The following WNK1 variants were observed in gnomAD, a reference collection of about 807,000 sequenced individuals.
The protein encoded by WNK1 is WNK lysine deficient protein kinase 1, also known as serine/threonine-protein kinase WNK1.
WNK1 carries 38 observed loss-of-function variants against 222.8 expected under a neutral mutation model. The ratio of observed to expected loss-of-function variants is 0.17; its 90% CI spans 0.13 to 0.22. WNK1 has a LOEUF of 0.22. WNK1 is among the 10% of genes least tolerant of loss of function. WNK1 has a pLI of 1.00. For synonymous variants in WNK1, 1,090 were observed against 1,092.9 expected, an observed-to-expected ratio of 1.00 and a Z score of 0.05; for missense variants, 2,348 against 2,918.4, an observed-to-expected ratio of 0.80 and a Z score of 4.50.
rs557623500 is a variant in WNK1, at chr12:777,972, T to C, written c.759+23648T>C. 2.0e-5 allele frequency among the ~76,000 whole-genome samples: 3 copies of C among 152,350 alleles called. No individual in the cohort carries two copies. The South Asian group carries it at 6.2e-4, about 32-fold the overall frequency. On this transcript the variant is annotated intron_variant, in intron 1 of 27. Transcript: ENST00000315939. Reference sequence around the variant, plus strand: ...TTTGGCAGTGGATGCCTTGTTACTTTAGAAAGACTTTAAACCTCACTTTGT... The same window carrying C: ...TTTGGCAGTGGATGCCTTGTTACTTCAGAAAGACTTTAAACCTCACTTTGT...
chr12:880,437 A>G (rs1253166205), intron 11 of WNK1, among the ~76,000 whole-genome samples: 1 of 152,190 alleles, frequency 6.6e-6, no homozygotes, highest in Non-Finnish European at 1.5e-5. Context: ...TTTTCCATTT[A>G]AGATTGGCTA....
chr12:884,250 G>C lies in WNK1; in HGVS notation c.3844+7G>C, dbSNP rs1483065280. On this transcript the variant is annotated splice_region_variant and intron_variant, in intron 18 of 27. Transcript: ENST00000315939. This position sits in a 1 kb window ranked among gnomAD's most constrained non-coding sequence, Gnocchi z 5.6. ...AGTGAAATAACAGATACAGGTAAGGGATTGATTCTGCCACATTGTTATGTA... is the reference window on the plus strand; with the variant it reads ...AGTGAAATAACAGATACAGGTAAGGCATTGATTCTGCCACATTGTTATGTA... 3.1e-6 allele frequency: 5 copies of C among 1,613,960 alleles called. No individual in the cohort carries two copies. Among genetic ancestry groups the C allele is most frequent in the Non-Finnish European group, 4.2e-6 (5 of 1,179,916 alleles).
At chr12:874,022 C>T (rs1952397265) in intron 9 of WNK1, among the ~76,000 whole-genome samples, 1 of 151,652 alleles carries the variant, frequency 6.6e-6, no homozygotes, top group East Asian at 1.9e-4. Context: ...AAGTTGTGAA[C>T]TTTGTCAGAC....
intron 26 of WNK1, among the ~76,000 whole-genome samples, chr12:903,685 G>C (rs1955459226): frequency 6.6e-6 from 1 of 152,118 alleles, no homozygotes; most frequent in African/African-American, 2.4e-5. Context: ...AAAATGAAAG[G>C]CCCTACATCC....
In WNK1 at chr12:764,434, G is replaced by C. The variant is rs185045143; in HGVS notation, c.759+10110G>C. On this transcript the variant is annotated intron_variant, in intron 1 of 27. Transcript: ENST00000315939. ...GCGGATCACCTGAGGTCAGGAGTTA[G>C]AGACCAGCCTGACCAACATGGAGAA... Among the ~76,000 whole-genome samples, 63 of 146,044 alleles carry C rather than the reference G, an allele frequency of 4.3e-4. 5 individuals carry two copies. Among genetic ancestry groups the C allele is most frequent in the Middle Eastern group, 7.2e-3 (2 of 278 alleles).
chr12:753,968 C>G lies in WNK1; in HGVS notation c.403C>G (p.Gln135Glu), dbSNP rs1335573190. ...CGCCACCGCCACTTCCCAGGTAGCC[C>G]AGCAGCCTCCAGCCGCTGCCGCCCC... The part of the protein sequence containing the change: ...VTATATSQVA[Q>E]QPPAAAAPGE... Residue 135 changes from glutamine (Q) to glutamate (E), a missense_variant, in exon 1 of 28, where the codon CAG becomes GAG. Gln to Glu is a conservative substitution (Grantham distance 29). Transcript: ENST00000315939. This position sits in a 1 kb window ranked among gnomAD's most constrained non-coding sequence, Gnocchi z 5.2. 3.1e-6 allele frequency: 5 copies of G among 1,596,408 alleles called. No homozygotes were observed. Among genetic ancestry groups the G allele is most frequent in the Non-Finnish European group, 8.5e-7 (1 of 1,172,632 alleles).
chr12:761,446 T>C (rs79147907), intron 1 of WNK1, among the ~76,000 whole-genome samples: 10,871 of 147,844 alleles, frequency 0.074, 1,377 homozygotes, highest in African/African-American at 0.081. Flanking sequence ...AATTTGCTTG[T>C]TGTAATCATC....
intron 21 of WNK1, among the ~76,000 whole-genome samples, chr12:889,713 G>A (rs1243409073): frequency 2.0e-5 from 3 of 152,124 alleles, no homozygotes; most frequent in African/African-American, 7.2e-5. Context: ...AGCTACTCGG[G>A]AGGCTGAGGC....
chr12:755,381 AT>A (rs923907274), intron 1 of WNK1, among the ~76,000 whole-genome samples: 1 of 152,204 alleles, frequency 6.6e-6, no homozygotes, highest in African/African-American at 2.4e-5. Context: ...CTTGGAACTT[AT>A]TTTATCCATG....
chr12:807,465 G>A (rs1226332904), intron 1 of WNK1, among the ~76,000 whole-genome samples: 1 of 151,814 alleles, frequency 6.6e-6, no homozygotes, highest in African/African-American at 2.4e-5. Flanking sequence ...TCTTTGAGAT[G>A]CTTGTCTTTG....
chr12:838,178 G>A (rs1019100138), intron 4 of WNK1, among the ~76,000 whole-genome samples: 3 of 151,902 alleles, frequency 2.0e-5, no homozygotes, highest in Non-Finnish European at 4.4e-5. Context: ...ACCATTGGCT[G>A]TTGTGAATAG....
chr12:868,214 GA>G, intron 8 of WNK1: 1 of 1,612,082 alleles, frequency 6.2e-7, no homozygotes, highest in Non-Finnish European at 8.5e-7. Flanking sequence ...AGTTTACAGT[GA>G]CTATAGACCT....
At chr12:800,508 T>C (rs1410346468) in intron 1 of WNK1, among the ~76,000 whole-genome samples, 2 of 152,346 alleles carry the variant, frequency 1.3e-5, no homozygotes, top group East Asian at 3.9e-4. Context: ...TTTTAAAAAG[T>C]ATATTCTATT....
rs766056816 is a variant in WNK1, at chr12:896,533, G to A, written c.6046G>A (p.Ala2016Thr). 1 of 1,613,372 alleles carries A rather than the reference G, an allele frequency of 6.2e-7. No individual in the cohort carries two copies. Among genetic ancestry groups the A allele is most frequent in the South Asian group, 1.1e-5 (1 of 91,024 alleles). ...AAATGGGCCGTCTTCTGACCCGGAG[G>A]CCGCTTTTTTAAGTAGGGATGTGGA... ...HLNGPSSDPE[A>T]AFLSRDVDDG... Residue 2016 changes from alanine (A) to threonine (T), a missense_variant, in exon 24 of 28, where the codon GCC becomes ACC. Transcript: ENST00000315939.
chr12:890,606 G>A (rs935655821), intron 22 of WNK1, 93 bp downstream of exon 22: 32 of 1,318,564 alleles, frequency 2.4e-5, no homozygotes, highest in African/African-American at 2.3e-4. Context: ...ACATTTCCAC[G>A]TATTTGATAA....
intron 2 of WNK1, among the ~76,000 whole-genome samples, chr12:815,545 C>G (rs1187017127): frequency 6.6e-6 from 1 of 152,198 alleles, no homozygotes. Context: ...TTGATACTCT[C>G]TTTTCTTCCA....
intron 9 of WNK1, among the ~76,000 whole-genome samples, chr12:876,986 G>A (rs978349114): frequency 6.7e-6 from 1 of 149,532 alleles, no homozygotes; most frequent in African/African-American, 2.5e-5. Flanking sequence ...ATTACAAGCA[G>A]ATGTTGTATT....
intron 1 of WNK1, among the ~76,000 whole-genome samples, chr12:776,283 C>T (rs1000511120): frequency 6.6e-6 from 1 of 152,134 alleles, no homozygotes. Flanking sequence ...GATCCTTTGC[C>T]TCAGCCTCCC....
rs779514494 is a variant in WNK1 at position 753,644 on chromosome 12, A to T, written c.79A>T (p.Asn27Tyr). Residue 27 changes from asparagine to tyrosine, a missense_variant, in exon 1 of 28, where the codon AAT becomes TAT. Physicochemically the swap from Asn to Tyr is moderately radical, Grantham distance 143. This residue lies in a region of WNK1 where 108 missense variants were observed against 109.7 expected (regional missense o/e 0.98). Coordinates refer to ENST00000315939, the MANE Select transcript of WNK1 (RefSeq NM_018979.4). The surrounding 1 kb of genome is among the most constrained non-coding windows in gnomAD (Gnocchi z 5.2). ...FLSPPAPAPK[N>Y]GSSSDSSVGE... is the part of the protein sequence containing the mutation. ...CTCGCCGCCGGCTCCTGCCCCCAAG[A>T]ATGGCTCCAGCTCCGATTCCTCCGT... 6.2e-7 allele frequency: 1 copy of T among 1,612,500 alleles called. No homozygotes were observed. Among genetic ancestry groups the T allele is most frequent in the Non-Finnish European group, 8.5e-7 (1 of 1,179,860 alleles).
Sources: gnomAD v4.1 joint callset for allele counts (sites outside exome capture counted in the v4.1 genomes callset) on GRCh38, gnomAD v4.1.1 for gene constraint, gnomAD v4.1.1 regional missense constraint, Gnocchi (gnomAD v3.1) non-coding constraint, MANE v1.5 for transcripts, NCBI Gene and HGNC (gene_info 2026-07-23, HGNC 2026-07-21) for gene names.